Variants in PCLO observed in about 807,000 individuals in gnomAD.
PCLO encodes protein piccolo.
Under a neutral mutation model 427.5 loss-of-function variants are expected in PCLO, and 82 were observed. The ratio of observed to expected loss-of-function variants is 0.19; its 90% CI spans 0.16 to 0.23. The LOEUF (loss-of-function observed/expected upper bound fraction) is 0.23. Ranked by LOEUF, PCLO falls within the 10% of genes least tolerant of loss-of-function variation. PCLO has a pLI of 1.00. For synonymous variants in PCLO, 2,357 were observed against 2,155.4 expected, an observed-to-expected ratio of 1.09 and a Z score of -2.59; for missense variants, 6,239 against 6,115.9, an observed-to-expected ratio of 1.02 and a Z score of -0.67.
At chr7:83,026,038 T>G (rs979126891) in intron 3 of PCLO, among the ~76,000 whole-genome samples, 18 of 148,578 alleles carry the variant, frequency 1.2e-4, no homozygotes, top group Non-Finnish European at 2.5e-4. Context: ...AGGAAGAAAC[T>G]GCATCAACTA....
chr7:83,069,756 C>T (rs1173768245), intron 3 of PCLO, among the ~76,000 whole-genome samples: 2 of 148,888 alleles, frequency 1.3e-5, no homozygotes, highest in African/African-American at 5.0e-5. Context: ...CTCTTCACAA[C>T]ATACTCTAAA....
chr7:82,767,884 T>C (rs1458641893), intron 22 of PCLO, among the ~76,000 whole-genome samples: 2 of 151,966 alleles, frequency 1.3e-5, no homozygotes, highest in African/African-American at 4.8e-5. Context: ...CTGAAAGATA[T>C]ATCAATGTAT....
At chr7:83,149,338 T>A (rs1018548621) in intron 2 of PCLO, among the ~76,000 whole-genome samples, 6 of 152,198 alleles carry the variant, frequency 3.9e-5, no homozygotes, top group Admixed American at 3.9e-4. Context: ...TTCTCAGCTC[T>A]TTTTCCTTTC....
intron 4 of PCLO, among the ~76,000 whole-genome samples, chr7:82,961,085 A>G (rs1473923090): frequency 6.6e-6 from 1 of 152,306 alleles, no homozygotes; most frequent in East Asian, 1.9e-4. Context: ...ATAATTGTAT[A>G]AGGAAGTACT....
intron 3 of PCLO, among the ~76,000 whole-genome samples, chr7:83,073,418 T>A (rs1216404474): frequency 6.6e-6 from 1 of 152,046 alleles, no homozygotes; most frequent in Non-Finnish European, 1.5e-5. Context: ...GATAATATTT[T>A]CTGCCTTTAA....
In PCLO at chr7:82,954,496, T is replaced by G. The variant is rs749966331; in HGVS notation, c.6457A>C (p.Ile2153Leu). The change falls in exon 5 of 25, where the codon ATT (isoleucine) becomes CTT (leucine). Residue 2153 changes from isoleucine (I) to leucine (L), a missense_variant. Ile to Leu is a conservative substitution (Grantham distance 5, BLOSUM62 2). Coordinates refer to ENST00000333891, the MANE Select transcript of PCLO (RefSeq NM_033026.6). ...GATTCATGGGCAATTATCTCTTGAATTTCTCTTGTATAATCGGTTACATAT... is the reference window on the plus strand; with the variant it reads ...GATTCATGGGCAATTATCTCTTGAAGTTCTCTTGTATAATCGGTTACATAT... ...DEYVTDYTREIQEIIAHESLI... is the reference protein window; with the variant it reads ...DEYVTDYTRELQEIIAHESLI... The G allele has an allele frequency of 1.2e-6, 2 of 1,614,022 alleles. No individual in the cohort carries two copies. Among genetic ancestry groups the G allele is most frequent in the Middle Eastern group, 1.6e-4 (1 of 6,062 alleles).
rs1793022958 is a variant in PCLO, at chr7:82,863,729, T to C, written c.13654+15608A>G. On this transcript the variant is annotated intron_variant, in intron 10 of 24. Coordinates refer to ENST00000333891, the MANE Select transcript of PCLO (RefSeq NM_033026.6). Reference sequence around the variant, plus strand: ...TTCTAATATTCATGTAGAGAAATTCTTTCTCTAATTGTAAATAGGATTACA... The same window carrying C: ...TTCTAATATTCATGTAGAGAAATTCCTTCTCTAATTGTAAATAGGATTACA... Among the ~76,000 whole-genome samples, 3 of 152,166 alleles carry C rather than the reference T, an allele frequency of 2.0e-5. No homozygotes were observed. The South Asian group carries it at 6.2e-4, about 32-fold the overall frequency.
At chr7:82,866,899 T>C (rs1793108981) in intron 10 of PCLO, among the ~76,000 whole-genome samples, 1 of 152,174 alleles carries the variant, frequency 6.6e-6, no homozygotes, top group Admixed American at 6.6e-5. Context: ...GCTTATAGTC[T>C]GCTCTTAGAA....
chr7:83,035,616 T>A (rs1160492484), intron 3 of PCLO, among the ~76,000 whole-genome samples: 1 of 152,116 alleles, frequency 6.6e-6, no homozygotes, highest in East Asian at 1.9e-4. Flanking sequence ...GACCTTTTTT[T>A]AAAATCCAGT....
rs1209258165 is a variant in PCLO, at chr7:82,827,864, T to C, written c.14343+9A>G. 1.4e-6 allele frequency: 2 copies of C among 1,426,864 alleles called. No individual in the cohort carries two copies. Among genetic ancestry groups the C allele is most frequent in the Non-Finnish European group, 9.8e-7 (1 of 1,015,742 alleles). The allele number at this position is 1,426,864 out of a possible 1,614,324, so 88.4% of individuals were successfully genotyped here. A position where few individuals can be genotyped will look rare whatever the true frequency, so the allele number is the denominator to read the frequency against. On this transcript the variant is annotated intron_variant, in intron 17 of 24. Coordinates refer to ENST00000333891, the MANE Select transcript of PCLO (RefSeq NM_033026.6). ...CTAATTCTGTCACCTAGAAATAATCTTGACATACCTGTTCCATGGAAATAC... is the reference window on the plus strand; with the variant it reads ...CTAATTCTGTCACCTAGAAATAATCCTGACATACCTGTTCCATGGAAATAC...
At position 82,756,292 on chromosome 7, in the gene PCLO, G is replaced by C. The variant is rs574254884; in HGVS notation, c.*2283C>G. On this transcript the variant is annotated 3_prime_UTR_variant, in exon 25 of 25. Coordinates refer to ENST00000333891, the MANE Select transcript of PCLO (RefSeq NM_033026.6). Reference sequence around the variant, plus strand: ...CCCCAATTATGAGTGATGATTATAGGCTTCTTCAAGTGCTAGCTTCTGCTG... The same window carrying C: ...CCCCAATTATGAGTGATGATTATAGCCTTCTTCAAGTGCTAGCTTCTGCTG... 8 of 152,076 alleles carry C rather than the reference G, an allele frequency of 5.3e-5. No individual in the cohort carries two copies. The East Asian group carries it at 7.8e-4, about 15-fold the overall frequency. 9.4% of individuals were successfully genotyped at this position (152,076 alleles called of 1,614,324 possible). A position where few individuals can be genotyped will look rare whatever the true frequency, so the allele number is the denominator to read the frequency against.
In PCLO at chr7:83,135,200, G is replaced by A; in HGVS notation, c.2350C>T (p.Gln784Ter). 6.2e-7 allele frequency: 1 copy of A among 1,613,920 alleles called. No homozygotes were observed. Among genetic ancestry groups the A allele is most frequent in the Non-Finnish European group, 8.5e-7 (1 of 1,179,882 alleles). ...TKPDIPSSKVQSQAEEKTTPP... is the reference protein window; with the variant it reads ...TKPDIPSSKV Reference sequence around the variant, plus strand: ...GTTGTTTTCTCTTCAGCTTGTGACTGTACTTTGGAGCTTGGAATATCAGGT... The same window carrying A: ...GTTGTTTTCTCTTCAGCTTGTGACTATACTTTGGAGCTTGGAATATCAGGT... The change falls in exon 3 of 25, where the codon CAG becomes TAG. Residue 784 changes from glutamine to a stop codon, truncating the protein, a stop_gained. Coordinates refer to ENST00000333891, the MANE Select transcript of PCLO (RefSeq NM_033026.6). LOFTEE classifies it high-confidence loss of function.
intron 22 of PCLO, among the ~76,000 whole-genome samples, chr7:82,794,449 A>C (rs1224814819): frequency 3.9e-5 from 2 of 51,330 alleles, no homozygotes; most frequent in Non-Finnish European, 1.3e-4. Flanking sequence ...CTAGTTCATA[A>C]ATTTTTTTTC....
At chr7:83,150,328 G>C (rs1418737983) in intron 2 of PCLO, among the ~76,000 whole-genome samples, 4 of 152,226 alleles carry the variant, frequency 2.6e-5, no homozygotes, top group Admixed American at 2.6e-4. Context: ...GCCACAAGAA[G>C]AGATACAGCT....
chr7:83,079,899 A>G (rs960990210), intron 3 of PCLO, among the ~76,000 whole-genome samples: 1 of 151,192 alleles, frequency 6.6e-6, no homozygotes, highest in South Asian at 2.1e-4. Flanking sequence ...ACAGACCCCA[A>G]TGTTGTTGTT....
intron 3 of PCLO, among the ~76,000 whole-genome samples, chr7:83,093,206 AAG>A (rs1161388990): frequency 6.6e-6 from 1 of 151,530 alleles, no homozygotes; most frequent in Non-Finnish European, 1.5e-5. Context: ...TATGAAATCA[AAG>A]AGAGCAAAAT....
At chr7:82,873,734 T>A (rs1457765367) in intron 10 of PCLO, among the ~76,000 whole-genome samples, 1 of 151,988 alleles carries the variant, frequency 6.6e-6, no homozygotes, top group Non-Finnish European at 1.5e-5. Flanking sequence ...ATATTTTGGA[T>A]CTTCTGGACT....
At chr7:82,971,365 A>C (rs1795899000) in intron 3 of PCLO, among the ~76,000 whole-genome samples, 1 of 151,476 alleles carries the variant, frequency 6.6e-6, no homozygotes, top group Admixed American at 6.6e-5. Flanking sequence ...TCTTTGAAAT[A>C]TCTTCTTATA....
chr7:82,758,580 G>C lies in PCLO; in HGVS notation c.15424C>G (p.His5142Asp). Residue 5142 changes from histidine (H) to aspartate (D), a missense_variant, in exon 25 of 25, where the codon CAT becomes GAT. His to Asp is a moderately conservative substitution (Grantham distance 81, BLOSUM62 -1). Coordinates refer to ENST00000333891, the MANE Select transcript of PCLO (RefSeq NM_033026.6). ...HKLLVSPTQT[H>D] ...CCCTGAGAAGACATGTTTCTTCAAT[G>C]CGTTTGAGTAGGACTGACCAAAAGT... 1 of 1,608,502 alleles carries C rather than the reference G, an allele frequency of 6.2e-7. No homozygotes were observed. Among genetic ancestry groups the C allele is most frequent in the Non-Finnish European group, 8.5e-7 (1 of 1,177,464 alleles).
Sources: allele counts gnomAD v4.1 joint callset (sites outside exome capture counted in the v4.1 genomes callset), GRCh38; gene constraint gnomAD v4.1.1; transcripts MANE v1.5; gene names NCBI Gene and HGNC (gene_info 2026-07-23, HGNC 2026-07-21).